PRKG2: variants seen among roughly 807,000 people sequenced by gnomAD.
The protein encoded by PRKG2 is cGMP-dependent protein kinase 2.
A neutral mutation model predicts 97.2 loss-of-function variants in PRKG2; 33 were observed. The ratio of observed to expected loss-of-function variants is 0.34; its 90% confidence interval spans 0.26 to 0.45. The LOEUF (loss-of-function observed/expected upper bound fraction) is 0.45. Ranked by LOEUF, PRKG2 falls within the 20% of genes least tolerant of loss-of-function variation. PRKG2 has a pLI of 1.00. For synonymous variants in PRKG2, 330 were observed against 321.8 expected (o/e 1.03, Z -0.27); for missense variants, 638 against 900.0 (o/e 0.71, Z 3.73).
In PRKG2 at chr4:81,135,137, T is replaced by C; in HGVS notation, c.1776+18A>G. ...GAAATATCTCATATGAGACTGTAAG[T>C]GAGAAAAGTTGTCTTACCAATTTAA... On this transcript the variant is annotated intron_variant, in intron 14 of 18. Coordinates refer to ENST00000264399, the MANE Select transcript of PRKG2 (RefSeq NM_006259.3). 1 of 1,593,912 alleles carries C rather than the reference T, an allele frequency of 6.3e-7. No homozygotes were observed. The highest frequency in any genetic ancestry group is 8.6e-7 in the Non-Finnish European group (1 of 1,168,670).
In PRKG2 at chr4:81,174,809, A is replaced by G. The variant is rs1750782295; in HGVS notation, c.612T>C (p.His204=). ...YIIKQGEPGN[H]IFVLAEGRLE... is the part of the protein sequence containing the mutation. ...GAAACCCACCTGCCAGCACAAAGAT[A>G]TGGTTTCCTGGTTCTCCTTGCTTAA... Residue 204 remains histidine, a synonymous_variant, in exon 3 of 19, where the codon CAT becomes CAC. Coordinates refer to ENST00000264399, the MANE Select transcript of PRKG2 (RefSeq NM_006259.3). The G allele has an allele frequency of 6.2e-7, 1 of 1,611,604 alleles. No individual in the cohort carries two copies. Among genetic ancestry groups the G allele is most frequent in the South Asian group, 1.1e-5 (1 of 90,276 alleles).
chr4:81,101,396 A>T (rs1051561041), intron 17 of PRKG2, among the ~76,000 whole-genome samples: 15 of 152,174 alleles, frequency 9.9e-5, no homozygotes, highest in Non-Finnish European at 2.2e-4. Flanking sequence ...ATAAAAAATG[A>T]TGAGTTCATG....
intron 6 of PRKG2, among the ~76,000 whole-genome samples, chr4:81,159,328 C>T (rs1749402222): frequency 1.3e-5 from 2 of 152,084 alleles, no homozygotes; most frequent in Admixed American, 6.5e-5. Flanking sequence ...CAAAAGAAGA[C>T]ATTTATGCAG....
chr4:81,116,419 T>C (rs1744529643), intron 14 of PRKG2, among the ~76,000 whole-genome samples: 1 of 152,226 alleles, frequency 6.6e-6, no homozygotes, highest in Non-Finnish European at 1.5e-5. Context: ...CAACATTTTC[T>C]TTACTGTTGT....
At chr4:81,202,649 T>C (rs554733000) in intron 2 of PRKG2, among the ~76,000 whole-genome samples, 3 of 152,242 alleles carry the variant, frequency 2.0e-5, no homozygotes, top group South Asian at 2.1e-4. Flanking sequence ...ATTCAGGAGA[T>C]ACAATATCCT....
chr4:81,191,589 T>C (rs1270353152), intron 2 of PRKG2, among the ~76,000 whole-genome samples: 1 of 151,810 alleles, frequency 6.6e-6, no homozygotes, highest in Non-Finnish European at 1.5e-5. Flanking sequence ...ATAATATTAA[T>C]AATAAAAATA....
chr4:81,143,484 A>C (rs1747502321), intron 10 of PRKG2, among the ~76,000 whole-genome samples: 1 of 152,120 alleles, frequency 6.6e-6, no homozygotes, highest in Admixed American at 6.5e-5. Flanking sequence ...TGAAAAGTAC[A>C]TTTCTTACTT....
intron 14 of PRKG2, among the ~76,000 whole-genome samples, chr4:81,119,295 A>G (rs1342717072): frequency 2.0e-5 from 3 of 152,200 alleles, no homozygotes; most frequent in African/African-American, 4.8e-5. Flanking sequence ...CATGAAGGGT[A>G]CATGGTCTGT....
intron 2 of PRKG2, among the ~76,000 whole-genome samples, chr4:81,181,395 A>T (rs1412885978): frequency 6.6e-6 from 1 of 151,848 alleles, no homozygotes; most frequent in Non-Finnish European, 1.5e-5. Flanking sequence ...TGATGCATAG[A>T]AGAAAATTTA....
chr4:81,089,159 C>T lies in PRKG2; in HGVS notation c.*549G>A, dbSNP rs1466709697. The T allele has an allele frequency of 6.6e-6, 1 of 152,070 alleles. No homozygotes were observed. Among genetic ancestry groups the T allele is most frequent in the Non-Finnish European group, 1.5e-5 (1 of 68,050 alleles). 9.4% of individuals were successfully genotyped at this position (152,070 alleles called of 1,614,324 possible). On this transcript the variant is annotated 3_prime_UTR_variant, in exon 19 of 19. Transcript: ENST00000264399. ...CCTCTCCCTGGACTCATGTCAGAGG[C>T]GTATTAATATATTTTCAGGTTAAAA...
intron 14 of PRKG2, among the ~76,000 whole-genome samples, chr4:81,130,542 T>G (rs916964636): frequency 6.6e-6 from 1 of 152,114 alleles, no homozygotes; most frequent in Non-Finnish European, 1.5e-5. Flanking sequence ...CCTCCTCTCT[T>G]CAGAGCTGGC....
chr4:81,169,242 A>G (rs983432382), intron 5 of PRKG2, among the ~76,000 whole-genome samples: 1 of 152,106 alleles, frequency 6.6e-6, no homozygotes, highest in Non-Finnish European at 1.5e-5. Context: ...AGAAAGTCTC[A>G]GGTAAAGCAA....
chr4:81,101,840 GA>G (rs1404829190), intron 17 of PRKG2, among the ~76,000 whole-genome samples: 1 of 151,828 alleles, frequency 6.6e-6, no homozygotes, highest in Non-Finnish European at 1.5e-5. Flanking sequence ...CCAAACTTTA[GA>G]AAGAAGCTTT....
intron 2 of PRKG2, among the ~76,000 whole-genome samples, chr4:81,186,662 CA>C (rs968601381): frequency 3.3e-5 from 5 of 151,666 alleles, no homozygotes; most frequent in African/African-American, 9.7e-5. Context: ...AAAAACCCTT[CA>C]AAAAAAATCA....
At chr4:81,180,046 T>C (rs1339262434) in intron 2 of PRKG2, among the ~76,000 whole-genome samples, 6 of 151,994 alleles carry the variant, frequency 3.9e-5, no homozygotes, top group Non-Finnish European at 8.8e-5. Context: ...GGCAGGAGAA[T>C]TGCTTGAACC....
At position 81,146,881 on chromosome 4, in the gene PRKG2, T is replaced by G. The variant is rs190622199; in HGVS notation, c.1154+2003A>C. On this transcript the variant is annotated intron_variant, in intron 9 of 18. Transcript: ENST00000264399. ...AGTCATAGCTAGGATGATCATATAA[T>G]TTATCATCCAAGCTGGAATATATTT... Among the ~76,000 whole-genome samples, 358 of 152,298 alleles carry G rather than the reference T, an allele frequency of 2.4e-3. 3 individuals carry two copies. Among genetic ancestry groups the G allele is most frequent in the African/African-American group, 8.1e-3 (335 of 41,574 alleles).
rs1481004817 is a variant in PRKG2, at chr4:81,205,068, G to A, written c.-13-8C>T. On this transcript the variant is annotated splice_region_variant and splice_polypyrimidine_tract_variant and intron_variant, in intron 1 of 18. Transcript: ENST00000264399. ...CCCATTTTGCTCAGGGACCTGAGAA[G>A]GCACAGAATTGGGAAGTATCAAGTG... 4.5e-6 allele frequency: 7 copies of A among 1,553,840 alleles called. No individual in the cohort carries two copies. The highest frequency in any genetic ancestry group is 1.7e-4 in the Middle Eastern group (1 of 5,790).
At chr4:81,201,596 C>G (rs17005091) in intron 2 of PRKG2, among the ~76,000 whole-genome samples, 1,637 of 152,230 alleles carry the variant, frequency 0.011, 27 homozygotes, top group African/African-American at 0.037. Flanking sequence ...TGGTGCCTAG[C>G]AATTGAAGAG....
At chr4:81,181,964 T>C (rs184772209) in intron 2 of PRKG2, among the ~76,000 whole-genome samples, 11 of 151,944 alleles carry the variant, frequency 7.2e-5, no homozygotes, top group Non-Finnish European at 1.3e-4. Flanking sequence ...ATAAAGAAAC[T>C]AAATCAAATA....
Sources: allele counts gnomAD v4.1 joint callset (sites outside exome capture counted in the v4.1 genomes callset), GRCh38; gene constraint gnomAD v4.1.1; transcripts MANE v1.5; gene names NCBI Gene and HGNC (gene_info 2026-07-23, HGNC 2026-07-21).